The following REEP3 variants were observed in gnomAD, a reference collection of about 807,000 sequenced individuals.
REEP3 encodes the protein receptor accessory protein 3.
A neutral mutation model predicts 41.3 loss-of-function variants in REEP3; 20 were observed. The ratio of observed to expected loss-of-function variants is 0.48; its 90% CI spans 0.34 to 0.70. The LOEUF (loss-of-function observed/expected upper bound fraction) is 0.70. REEP3 is among the 30% of genes least tolerant of loss of function. The pLI is 0.01. For synonymous variants in REEP3, 104 were observed against 101.8 expected, an observed-to-expected ratio of 1.02 and a Z score of -0.13; for missense variants, 271 against 308.8, an observed-to-expected ratio of 0.88 and a Z score of 0.92.
At chr10:63,553,019 CT>C in intron 1 of REEP3, among the ~76,000 whole-genome samples, 1 of 152,312 alleles carries the variant, frequency 6.6e-6, no homozygotes, top group South Asian at 2.1e-4. Flanking sequence ...CTCACAAATG[CT>C]TTTACAATGA....
At chr10:63,567,658 A>C (rs1047182040) in intron 2 of REEP3, among the ~76,000 whole-genome samples, 2 of 152,144 alleles carry the variant, frequency 1.3e-5, no homozygotes, top group African/African-American at 4.8e-5. Context: ...ATTCACATAC[A>C]AGGATTTGTT....
At chr10:63,521,777 G>T (rs1160233379) in intron 1 of REEP3, 200 bp downstream of exon 1, 4 of 339,262 alleles carry the variant, frequency 1.2e-5, no homozygotes, top group Non-Finnish European at 2.1e-5. Context: ...CGACGGCCGA[G>T]GGCCTAGCTG....
intron 1 of REEP3, among the ~76,000 whole-genome samples, chr10:63,532,672 G>T (rs773079629): frequency 4.0e-5 from 6 of 150,558 alleles, no homozygotes; most frequent in Non-Finnish European, 8.9e-5. Context: ...AAAAAGAAAA[G>T]GAGAAAAAAA....
intron 1 of REEP3, among the ~76,000 whole-genome samples, chr10:63,558,812 A>C (rs543532264): frequency 1.6e-4 from 25 of 152,066 alleles, no homozygotes; most frequent in Non-Finnish European, 3.7e-4. Context: ...TTGAGAGTGT[A>C]TATAGTGTGT....
At chr10:63,545,586 G>A (rs1955569881) in intron 1 of REEP3, among the ~76,000 whole-genome samples, 1 of 151,778 alleles carries the variant, frequency 6.6e-6, no homozygotes, top group Non-Finnish European at 1.5e-5. Flanking sequence ...CGTTGGCCAG[G>A]ATGGTCTCGA....
At chr10:63,615,903 ACT>A (rs1956308400) in intron 6 of REEP3, among the ~76,000 whole-genome samples, 1 of 151,200 alleles carries the variant, frequency 6.6e-6, no homozygotes. Context: ...CTCTGTCCTC[ACT>A]CTCTGTGGAC....
At chr10:63,617,546 C>T (rs1956320581) in intron 6 of REEP3, among the ~76,000 whole-genome samples, 1 of 152,116 alleles carries the variant, frequency 6.6e-6, no homozygotes, top group Admixed American at 6.6e-5. Flanking sequence ...ACTACAGGTG[C>T]ACAACACCAT....
chr10:63,624,392 T>C lies in REEP3; in HGVS notation c.*3523T>C, dbSNP rs1176442362. 3 of 152,156 alleles carry C rather than the reference T, an allele frequency of 2.0e-5. No homozygotes were observed. The highest frequency in any genetic ancestry group is 4.4e-5 in the Non-Finnish European group (3 of 67,978). The allele number at this position is 152,156 out of a possible 1,614,324, so 9.4% of individuals were successfully genotyped here. ...TAACTCTTTTTTAAGACATTGACCA[T>C]GACTTAACATTTTGCCTTCTAACAC... On this transcript the variant is annotated 3_prime_UTR_variant, in exon 8 of 8. Transcript: ENST00000373758.
At chr10:63,614,238 A>G (rs1956296855) in intron 6 of REEP3, among the ~76,000 whole-genome samples, 1 of 152,230 alleles carries the variant, frequency 6.6e-6, no homozygotes, top group Non-Finnish European at 1.5e-5. Context: ...AAATGTTTTT[A>G]ATTAACAGTG....
intron 6 of REEP3, among the ~76,000 whole-genome samples, chr10:63,616,081 G>A (rs892788673): frequency 1.3e-5 from 2 of 152,004 alleles, no homozygotes; most frequent in East Asian, 1.9e-4. Flanking sequence ...TACTCTCCCC[G>A]AGCCTCCAGA....
chr10:63,584,553 C>G (rs895569621), intron 2 of REEP3, among the ~76,000 whole-genome samples: 1 of 151,786 alleles, frequency 6.6e-6, no homozygotes, highest in Non-Finnish European at 1.5e-5. Flanking sequence ...AATCCCGTAA[C>G]CAAGCCATCT....
intron 4 of REEP3, among the ~76,000 whole-genome samples, chr10:63,598,653 G>A (rs984724871): frequency 6.6e-5 from 10 of 151,450 alleles, no homozygotes; most frequent in Non-Finnish European, 1.2e-4. Context: ...GCGTGGTGGC[G>A]GGCACCCATA....
At chr10:63,537,746 G>A (rs1955488279) in intron 1 of REEP3, among the ~76,000 whole-genome samples, 1 of 152,118 alleles carries the variant, frequency 6.6e-6, no homozygotes, top group Admixed American at 6.5e-5. Flanking sequence ...GGCCACAGAT[G>A]GAGGCAGGGA....
chr10:63,542,023 A>T lies in REEP3; in HGVS notation c.32+20446A>T, dbSNP rs534802801. On this transcript the variant is annotated intron_variant, in intron 1 of 7. Transcript: ENST00000373758. Reference sequence around the variant, plus strand: ...AAATGCAAAACACATCATTATCCTAATTCATTATCCTAATTAGAGTTGGTA... The same window carrying T: ...AAATGCAAAACACATCATTATCCTATTTCATTATCCTAATTAGAGTTGGTA... Among the ~76,000 whole-genome samples, 237 of 151,928 alleles carry T rather than the reference A, an allele frequency of 1.6e-3. 2 individuals are homozygous for T. The highest frequency in any genetic ancestry group is 5.2e-3 in the African/African-American group (217 of 41,414).
At chr10:63,599,395 T>G (rs1956151021) in intron 5 of REEP3, 112 bp downstream of exon 5, 3 of 470,972 alleles carry the variant, frequency 6.4e-6, no homozygotes, top group Admixed American at 8.8e-5. Context: ...TTTATTTTTC[T>G]AATACTGGAA....
At chr10:63,591,021 T>C (rs928657009) in intron 2 of REEP3, among the ~76,000 whole-genome samples, 2 of 152,206 alleles carry the variant, frequency 1.3e-5, no homozygotes, top group African/African-American at 4.8e-5. Flanking sequence ...TGGTTTCCTT[T>C]CAATTTTTTG....
rs1392668252 is a variant in REEP3 at position 63,623,843 on chromosome 10, C to T, written c.*2974C>T. 3 of 149,708 alleles carry T rather than the reference C, an allele frequency of 2.0e-5. No individual in the cohort carries two copies. Among genetic ancestry groups the T allele is most frequent in the Admixed American group, 1.4e-4 (2 of 14,664 alleles). 9.3% of individuals were successfully genotyped at this position (149,708 alleles called of 1,614,324 possible). A position where few individuals can be genotyped will look rare whatever the true frequency, so the allele number is the denominator to read the frequency against. On this transcript the variant is annotated 3_prime_UTR_variant, in exon 8 of 8. Coordinates refer to ENST00000373758, the MANE Select transcript of REEP3 (RefSeq NM_001001330.3). ...CTGCCAAAATTACTGATTATAAATACTTGACTACACTGATTGATGGGACAA... is the reference window on the plus strand; with the variant it reads ...CTGCCAAAATTACTGATTATAAATATTTGACTACACTGATTGATGGGACAA...
chr10:63,609,968 C>T (rs990207894), intron 5 of REEP3, among the ~76,000 whole-genome samples: 1 of 151,912 alleles, frequency 6.6e-6, no homozygotes, highest in African/African-American at 2.4e-5. Context: ...CTGATGTCTC[C>T]AACTTACTTT....
intron 2 of REEP3, among the ~76,000 whole-genome samples, chr10:63,574,152 A>G (rs1793930522): frequency 6.6e-6 from 1 of 152,156 alleles, no homozygotes. Context: ...CAAATAACAT[A>G]CTTATTGTGC....
Sources: allele counts gnomAD v4.1 joint callset (sites outside exome capture counted in the v4.1 genomes callset), GRCh38; gene constraint gnomAD v4.1.1; transcripts MANE v1.5; gene names NCBI Gene and HGNC (gene_info 2026-07-23, HGNC 2026-07-21).